Variants in ANKS1B observed in about 807,000 individuals in gnomAD.
The protein encoded by ANKS1B is ankyrin repeat and sterile alpha motif domain containing 1B, also known as ankyrin repeat and sterile alpha motif domain-containing protein 1B.
A neutral mutation model predicts 148.3 loss-of-function variants in ANKS1B; 36 were observed. The ratio of observed to expected loss-of-function variants is 0.24; its 90% CI spans 0.19 to 0.32. The LOEUF (loss-of-function observed/expected upper bound fraction) is 0.32. Ranked by LOEUF, ANKS1B falls within the 10% of genes least tolerant of loss-of-function variation. ANKS1B has a pLI of 1.00. For missense variants in ANKS1B, 1,157 were observed against 1,542.6 expected (o/e 0.75, Z 4.19); for synonymous variants, 542 against 560.8 (o/e 0.97, Z 0.47).
intron 17 of ANKS1B, among the ~76,000 whole-genome samples, chr12:98,947,021 G>T (rs2099846552): frequency 6.7e-6 from 1 of 149,596 alleles, no homozygotes; most frequent in Admixed American, 6.7e-5. Context: ...ATTTGGAGAA[G>T]AGTTTTCTAG....
intron 24 of ANKS1B, among the ~76,000 whole-genome samples, chr12:98,778,408 A>G (rs1328899149): frequency 1.3e-5 from 2 of 152,190 alleles, no homozygotes. Context: ...TTCCAGGCCT[A>G]GTGGCCTCTA....
At chr12:99,280,922 C>T (rs1189236245) in intron 12 of ANKS1B, among the ~76,000 whole-genome samples, 5 of 151,506 alleles carry the variant, frequency 3.3e-5, no homozygotes, top group East Asian at 1.9e-4. Context: ...CACACACGTG[C>T]GCACATACAC....
intron 12 of ANKS1B, among the ~76,000 whole-genome samples, chr12:99,303,448 A>C (rs559467398): frequency 6.6e-6 from 1 of 152,244 alleles, no homozygotes; most frequent in South Asian, 2.1e-4. Context: ...TTGAGGTTGT[A>C]CTATGCCCCA....
At chr12:99,884,850 C>T (rs1487481258) in intron 1 of ANKS1B, among the ~76,000 whole-genome samples, 1 of 151,928 alleles carries the variant, frequency 6.6e-6, no homozygotes, top group Non-Finnish European at 1.5e-5. Context: ...TTTGTCCAAA[C>T]TCATAGACCT....
chr12:99,952,220 T>C (rs891415577), intron 1 of ANKS1B, among the ~76,000 whole-genome samples: 4 of 152,296 alleles, frequency 2.6e-5, no homozygotes, highest in Admixed American at 6.5e-5. Context: ...CATGAATTCA[T>C]GCATGGAACC....
At position 99,036,092 on chromosome 12, in the gene ANKS1B, T is replaced by C. The variant is rs2099955391; in HGVS notation, c.2778+17065A>G. Among the ~76,000 whole-genome samples the C allele has an allele frequency of 2.0e-5, 3 of 152,284 alleles. No individual in the cohort carries two copies. The East Asian group carries it at 5.8e-4, about 29-fold the overall frequency. ...TCTCTGCATTCCCTGGGGGTGATTT[T>C]GATAGTTTCTCTGTGTGCACAGTGA... On this transcript the variant is annotated intron_variant, in intron 17 of 26. Coordinates refer to ENST00000683438, the MANE Select transcript of ANKS1B (RefSeq NM_001352186.2).
At chr12:99,080,242 T>C (rs1023018204) in intron 16 of ANKS1B, among the ~76,000 whole-genome samples, 1 of 152,170 alleles carries the variant, frequency 6.6e-6, no homozygotes, top group Admixed American at 6.5e-5. Context: ...ATAACAATAA[T>C]TGTCAATAGT....
At chr12:99,378,652 C>CAAAAAAAAAAAAAAAAAAAAAA (rs140892353) in intron 12 of ANKS1B, among the ~76,000 whole-genome samples, 1 of 90,714 alleles carries the variant, frequency 1.1e-5, no homozygotes, top group Non-Finnish European at 2.4e-5. Flanking sequence ...GACTCCATCT[C>CAAAAAAAAAAAAAAAAAAAAAA]AAAAAAAAAA....
At position 99,763,504 on chromosome 12, in the gene ANKS1B, G is replaced by A. The variant is rs887693064; in HGVS notation, c.1128+9418C>T. On this transcript the variant is annotated intron_variant, in intron 8 of 26. Coordinates refer to ENST00000683438, the MANE Select transcript of ANKS1B (RefSeq NM_001352186.2). Reference sequence around the variant, plus strand: ...ACTACAGACAATGGGGCTTACTTGCGGGTGTAGCACGGGAGGAGAGTAAGG... The same window carrying A: ...ACTACAGACAATGGGGCTTACTTGCAGGTGTAGCACGGGAGGAGAGTAAGG... Among the ~76,000 whole-genome samples the A allele has an allele frequency of 1.7e-4, 26 of 152,136 alleles. No individual in the cohort carries two copies. The Middle Eastern group carries it at 0.014, about 80-fold the overall frequency.
At chr12:99,494,381 G>T (rs1482056919) in intron 10 of ANKS1B, among the ~76,000 whole-genome samples, 1 of 152,136 alleles carries the variant, frequency 6.6e-6, no homozygotes, top group African/African-American at 2.4e-5. Flanking sequence ...TTGTTTAGTT[G>T]TTTTTGCTGT....
At chr12:98,830,830 C>G (rs1399527842) in intron 18 of ANKS1B, among the ~76,000 whole-genome samples, 3 of 151,966 alleles carry the variant, frequency 2.0e-5, no homozygotes, top group Non-Finnish European at 4.4e-5. Context: ...CCATTTTTGC[C>G]TGGAAATCAT....
chr12:98,951,238 A>G (rs1352827915), intron 17 of ANKS1B, among the ~76,000 whole-genome samples: 5 of 152,124 alleles, frequency 3.3e-5, no homozygotes, highest in Non-Finnish European at 7.4e-5. Context: ...TTTGTCTTTG[A>G]CTTTGAAACT....
At chr12:99,176,660 G>A (rs1331072538) in intron 14 of ANKS1B, among the ~76,000 whole-genome samples, 1 of 152,124 alleles carries the variant, frequency 6.6e-6, no homozygotes, top group Non-Finnish European at 1.5e-5. Flanking sequence ...CTCATGAATG[G>A]CTTGGGCCAT....
At chr12:99,867,787 C>T (rs1180398688) in intron 1 of ANKS1B, among the ~76,000 whole-genome samples, 2 of 152,126 alleles carry the variant, frequency 1.3e-5, no homozygotes, top group Non-Finnish European at 2.9e-5. Flanking sequence ...AAAACACTTC[C>T]AAATGTGTGT....
At chr12:98,868,030 G>A (rs758638230) in intron 17 of ANKS1B, among the ~76,000 whole-genome samples, 7 of 152,050 alleles carry the variant, frequency 4.6e-5, no homozygotes, top group African/African-American at 1.2e-4. Context: ...GCAGAGGAGC[G>A]ATCTAAACAC....
chr12:99,180,910 C>T (rs2079039256), intron 14 of ANKS1B, among the ~76,000 whole-genome samples: 1 of 152,094 alleles, frequency 6.6e-6, no homozygotes, highest in Non-Finnish European at 1.5e-5. Flanking sequence ...AGGTCTCTGA[C>T]CTCCTCCCCT....
chr12:99,783,245 A>G (rs1248844689), intron 4 of ANKS1B, among the ~76,000 whole-genome samples: 4 of 151,982 alleles, frequency 2.6e-5, no homozygotes, highest in African/African-American at 7.2e-5. Context: ...AACACAGGTA[A>G]CCTACCACCA....
chr12:99,639,020 G>A (rs774451615), intron 9 of ANKS1B, among the ~76,000 whole-genome samples: 6 of 152,200 alleles, frequency 3.9e-5, no homozygotes, highest in Non-Finnish European at 5.9e-5. Flanking sequence ...GATTTCAGAG[G>A]ATGCATGGAA....
intron 8 of ANKS1B, among the ~76,000 whole-genome samples, chr12:99,745,178 CAA>C (rs1226323445): frequency 1.7e-5 from 2 of 119,184 alleles, no homozygotes; most frequent in Non-Finnish European, 3.5e-5. Context: ...ATTCAATAAA[CAA>C]AGAGAATAAG....
Sources: allele counts gnomAD v4.1 joint callset (sites outside exome capture counted in the v4.1 genomes callset), GRCh38; gene constraint gnomAD v4.1.1; transcripts MANE v1.5; gene names NCBI Gene and HGNC (gene_info 2026-07-23, HGNC 2026-07-21).